VDR: variants seen among roughly 807,000 people sequenced by gnomAD.
The protein encoded by VDR is vitamin D3 receptor.
VDR carries 19 observed loss-of-function variants against 39.7 expected under a neutral mutation model. The ratio of observed to expected loss-of-function variants is 0.48; its 90% CI spans 0.33 to 0.70. VDR has a LOEUF of 0.70. Ranked by LOEUF, VDR falls within the 30% of genes least tolerant of loss-of-function variation. The probability of loss-of-function intolerance (pLI) is 0.02; values close to 1 mark genes in which losing one functional copy is unlikely to be tolerated. For missense variants in VDR, 442 were observed against 570.5 expected, an observed-to-expected ratio of 0.77 and a Z score of 2.29; for synonymous variants, 242 against 215.8, an observed-to-expected ratio of 1.12 and a Z score of -1.07.
intron 1 of VDR, among the ~76,000 whole-genome samples, chr12:47,898,956 G>C (rs1946511473): frequency 6.6e-6 from 1 of 152,208 alleles, no homozygotes; most frequent in Non-Finnish European, 1.5e-5. Flanking sequence ...AAGGTGCTGT[G>C]AATGCTCCAC....
In VDR at chr12:47,844,576, G is replaced by C; in HGVS notation, c.*170C>G. ...GACCGGGGAAAAGCCCGCAGGAAAG[G>C]GGTTAGGTTGGACAGGAGAGAGAAT... On this transcript the variant is annotated 3_prime_UTR_variant, in exon 10 of 10. Coordinates refer to ENST00000549336, the MANE Select transcript of VDR (RefSeq NM_000376.3). 5.7e-6 allele frequency: 5 copies of C among 871,482 alleles called. No homozygotes were observed. The highest frequency in any genetic ancestry group is 8.8e-6 in the Non-Finnish European group (5 of 569,864). The allele number at this position is 871,482 out of a possible 1,614,324, so 54.0% of individuals were successfully genotyped here.
At chr12:47,887,087 G>C (rs1946269452) in intron 1 of VDR, among the ~76,000 whole-genome samples, 1 of 152,104 alleles carries the variant, frequency 6.6e-6, no homozygotes, top group African/African-American at 2.4e-5. Context: ...CAAAGTGGGT[G>C]GATCACTTGA....
chr12:47,871,016 G>A (rs1183994352), intron 3 of VDR, among the ~76,000 whole-genome samples: 2 of 152,146 alleles, frequency 1.3e-5, no homozygotes, highest in African/African-American at 4.8e-5. Context: ...GCATCAGGGG[G>A]TTCTCCTCAG....
chr12:47,867,826 C>G (rs1452726618), intron 3 of VDR, among the ~76,000 whole-genome samples: 1 of 152,200 alleles, frequency 6.6e-6, no homozygotes, highest in African/African-American at 2.4e-5. Flanking sequence ...AAACATGACT[C>G]ACTGTTCACA....
intron 1 of VDR, chr12:47,904,751 G>T (rs1946637504): frequency 1.9e-6 from 2 of 1,025,940 alleles, no homozygotes; most frequent in Non-Finnish European, 2.8e-6. Context: ...CGCCAGCCTG[G>T]CACGAACTTC....
At chr12:47,855,000 C>A (rs976631770) in intron 7 of VDR, among the ~76,000 whole-genome samples, 3 of 152,086 alleles carry the variant, frequency 2.0e-5, no homozygotes, top group Admixed American at 6.6e-5. Context: ...TGAGACAAGC[C>A]TGGCCAACAT....
chr12:47,844,686 G>C lies in VDR; in HGVS notation c.*60C>G. On this transcript the variant is annotated 3_prime_UTR_variant, in exon 10 of 10. Coordinates refer to ENST00000549336, the MANE Select transcript of VDR (RefSeq NM_000376.3). ...GGCTGCTGAGTAGCCGCCAGCCCCG[G>C]GCCTGGCACGTGGCCCTGGAGGAGC... The C allele has an allele frequency of 6.2e-7, 1 of 1,610,090 alleles. No homozygotes were observed. The highest frequency in any genetic ancestry group is 8.5e-7 in the Non-Finnish European group (1 of 1,178,864).
At chr12:47,858,261 G>A (rs1010385191) in intron 4 of VDR, among the ~76,000 whole-genome samples, 5 of 152,200 alleles carry the variant, frequency 3.3e-5, no homozygotes, top group African/African-American at 1.2e-4. Flanking sequence ...GGTGAAGAGA[G>A]GATGCCAGAG....
chr12:47,887,820 G>C (rs574839587), intron 1 of VDR, among the ~76,000 whole-genome samples: 1 of 152,346 alleles, frequency 6.6e-6, no homozygotes, highest in South Asian at 2.1e-4. Context: ...CACCAGTTAT[G>C]ACTGACTGAA....
At chr12:47,892,337 C>T (rs926264834) in intron 1 of VDR, among the ~76,000 whole-genome samples, 1 of 152,188 alleles carries the variant, frequency 6.6e-6, no homozygotes, top group Non-Finnish European at 1.5e-5. Context: ...ACCTGGGCCA[C>T]GTAGGAAGTT....
intron 1 of VDR, chr12:47,899,813 G>A (rs923563098): frequency 1.9e-5 from 16 of 835,978 alleles, no homozygotes; most frequent in Non-Finnish European, 2.3e-5. Flanking sequence ...CACTATGCCT[G>A]CTAGAGAACA....
At position 47,842,229 on chromosome 12, in the gene VDR, G is replaced by A. The variant is rs937843093; in HGVS notation, c.*2517C>T. 6.6e-6 allele frequency: 1 copy of A among 152,502 alleles called. No individual in the cohort carries two copies. Among genetic ancestry groups the A allele is most frequent in the African/African-American group, 2.4e-5 (1 of 41,466 alleles). 9.4% of individuals were successfully genotyped at this position (152,502 alleles called of 1,614,324 possible). A position where few individuals can be genotyped will look rare whatever the true frequency, so the allele number is the denominator to read the frequency against. On this transcript the variant is annotated 3_prime_UTR_variant, in exon 10 of 10. Transcript: ENST00000549336. ...GCCAGGGCCACATCGTGGTGGGGTA[G>A]GGTCTGATTCACATTGAGGCAGAGG...
chr12:47,850,122 G>T (rs1271079620), intron 7 of VDR, among the ~76,000 whole-genome samples: 1 of 152,150 alleles, frequency 6.6e-6, no homozygotes, highest in Admixed American at 6.5e-5. Flanking sequence ...AAAGTTCTGG[G>T]ATTATAGGTG....
chr12:47,849,371 A>G (rs990746347), intron 7 of VDR, among the ~76,000 whole-genome samples: 11 of 152,198 alleles, frequency 7.2e-5, no homozygotes, highest in African/African-American at 2.7e-4. Context: ...TAACCTCTGC[A>G]GGACTCTCCT....
At chr12:47,861,136 G>T (rs1945618562) in intron 4 of VDR, among the ~76,000 whole-genome samples, 1 of 152,276 alleles carries the variant, frequency 6.6e-6, no homozygotes, top group South Asian at 2.1e-4. Context: ...ATAACCACTA[G>T]CCTCTACTGT....
chr12:47,865,021 A>T (rs1040484787), intron 4 of VDR, 26 bp downstream of exon 4: 9 of 1,611,726 alleles, frequency 5.6e-6, no homozygotes, highest in Non-Finnish European at 7.6e-6. Flanking sequence ...TCAGGCCCAA[A>T]CCCTGCCCAG....
In VDR at chr12:47,902,002, G is replaced by A. The variant is rs549190170; in HGVS notation, c.-84+2953C>T. Reference sequence around the variant, plus strand: ...CCAGGGAGCAGGCTAGGGTGTCGGGGGCTGTCCTCAGAATTAAGCTACCCC... The same window carrying A: ...CCAGGGAGCAGGCTAGGGTGTCGGGAGCTGTCCTCAGAATTAAGCTACCCC... On this transcript the variant is annotated intron_variant, in intron 1 of 9. Coordinates refer to ENST00000549336, the MANE Select transcript of VDR (RefSeq NM_000376.3). Among the ~76,000 whole-genome samples, 86 of 152,320 alleles carry A rather than the reference G, an allele frequency of 5.6e-4. 1 individual carries two copies. Among genetic ancestry groups the A allele is most frequent in the African/African-American group, 2.0e-3 (85 of 41,564 alleles).
intron 1 of VDR, among the ~76,000 whole-genome samples, chr12:47,890,429 TCCCAA>T: frequency 1.3e-5 from 2 of 150,870 alleles, no homozygotes; most frequent in East Asian, 3.9e-4. Context: ...TCAGGATTGA[TCCCAA>T]CCTTCTAGAG....
At chr12:47,855,963 ACTCT>A (rs1261863052) in intron 6 of VDR, among the ~76,000 whole-genome samples, 162 bp from the exon 7 acceptor site, 2 of 152,116 alleles carry the variant, frequency 1.3e-5, no homozygotes, top group African/African-American at 4.8e-5. Context: ...TCCCTCTGGG[ACTCT>A]CTCTGCCTCT....
Sources: gnomAD v4.1 joint callset for allele counts (sites outside exome capture counted in the v4.1 genomes callset) on GRCh38, gnomAD v4.1.1 for gene constraint, MANE v1.5 for transcripts, NCBI Gene and HGNC (gene_info 2026-07-23, HGNC 2026-07-21) for gene names.